TMC1: variants seen among roughly 807,000 people sequenced by gnomAD.
TMC1 encodes transmembrane channel like 1.
In TMC1, 84 loss-of-function variants were observed where a neutral mutation model predicts 105.8. That is an observed-to-expected ratio of 0.79 (90% CI 0.67 to 0.95). The LOEUF (loss-of-function observed/expected upper bound fraction) is 0.95. Ranked by LOEUF, TMC1 falls within the 40% of genes least tolerant of loss-of-function variation. The pLI, the probability that TMC1 is intolerant of heterozygous loss-of-function variation, is 0.00. For missense variants in TMC1, 817 were observed against 914.1 expected, an observed-to-expected ratio of 0.89 and a Z score of 1.37; for synonymous variants, 315 against 311.5, an observed-to-expected ratio of 1.01 and a Z score of -0.12.
intron 5 of TMC1, among the ~76,000 whole-genome samples, chr9:72,667,711 G>C (rs946865127): frequency 6.6e-6 from 1 of 152,312 alleles, no homozygotes; most frequent in African/African-American, 2.4e-5. Flanking sequence ...CAGTAAAACA[G>C]TCAGACAACA....
At chr9:72,700,016 G>C (rs1826615661) in intron 7 of TMC1, among the ~76,000 whole-genome samples, 1 of 149,498 alleles carries the variant, frequency 6.7e-6, no homozygotes. Flanking sequence ...CACTTTGGGA[G>C]GCCGAGGTGG....
rs2118353167 is a variant in TMC1 at position 72,837,055 on chromosome 9, A to T, written c.*1082A>T. On this transcript the variant is annotated 3_prime_UTR_variant, in exon 24 of 24. Transcript: ENST00000297784. Reference sequence around the variant, plus strand: ...ACACTGGCATGGTTCTGGAGTTTGCATCTCTCCCCGCTTGATTTTTTTGGC... The same window carrying T: ...ACACTGGCATGGTTCTGGAGTTTGCTTCTCTCCCCGCTTGATTTTTTTGGC... The T allele has an allele frequency of 6.6e-6, 1 of 152,400 alleles. No homozygotes were observed. The highest frequency in any genetic ancestry group is 1.5e-5 in the Non-Finnish European group (1 of 68,178). 9.4% of individuals were successfully genotyped at this position (152,400 alleles called of 1,614,324 possible). A position where few individuals can be genotyped will look rare whatever the true frequency, so the allele number is the denominator to read the frequency against.
At chr9:72,547,060 G>A (rs948184908) in intron 1 of TMC1, among the ~76,000 whole-genome samples, 10 of 152,170 alleles carry the variant, frequency 6.6e-5, no homozygotes, top group Non-Finnish European at 1.2e-4. Flanking sequence ...GCCAAGGCAA[G>A]TGGATCACCT....
intron 1 of TMC1, among the ~76,000 whole-genome samples, chr9:72,564,803 T>G (rs186787570): frequency 2.6e-4 from 40 of 152,310 alleles, no homozygotes; most frequent in Admixed American, 2.2e-3. Flanking sequence ...ATCAGGAAGT[T>G]GGCCTTTGTT....
chr9:72,751,762 T>A, intron 10 of TMC1, 88 bp from the exon 11 acceptor site: 1 of 827,364 alleles, frequency 1.2e-6, no homozygotes, highest in South Asian at 1.4e-5. Flanking sequence ...AATTAATGGA[T>A]TCATTTTGAA....
At chr9:72,794,441 G>T (rs567663998) in intron 17 of TMC1, among the ~76,000 whole-genome samples, 1 of 152,264 alleles carries the variant, frequency 6.6e-6, no homozygotes, top group East Asian at 1.9e-4. Context: ...AACCAAGCAA[G>T]AGTCTACCAA....
intron 1 of TMC1, among the ~76,000 whole-genome samples, chr9:72,533,313 C>T (rs912529646): frequency 6.6e-5 from 10 of 152,180 alleles, no homozygotes; most frequent in Admixed American, 1.3e-4. Flanking sequence ...AGAAGAAACT[C>T]TGGGCAGCCA....
At chr9:72,747,985 A>G (rs1400195603) in intron 10 of TMC1, among the ~76,000 whole-genome samples, 3 of 152,328 alleles carry the variant, frequency 2.0e-5, no homozygotes, top group Middle Eastern at 6.8e-3. Flanking sequence ...ATGGGCATCA[A>G]ATTTGTGAAT....
chr9:72,523,575 A>T (rs1386470330), intron 1 of TMC1, among the ~76,000 whole-genome samples: 1 of 152,186 alleles, frequency 6.6e-6, no homozygotes, highest in Non-Finnish European at 1.5e-5. Context: ...GGGGAAGTAG[A>T]TCATCATAAA....
At chr9:72,620,084 C>T (rs1564449287) in intron 3 of TMC1, among the ~76,000 whole-genome samples, 1 of 152,068 alleles carries the variant, frequency 6.6e-6, no homozygotes, top group Non-Finnish European at 1.5e-5. Context: ...CCACCCACCT[C>T]ACCCTCCCAA....
At chr9:72,724,219 T>C (rs773464555) in intron 8 of TMC1, among the ~76,000 whole-genome samples, 19 of 152,350 alleles carry the variant, frequency 1.2e-4, no homozygotes, top group South Asian at 6.2e-4. Flanking sequence ...AGGAAATTTA[T>C]TGGGCTTATG....
chr9:72,528,291 T>G (rs956106302), intron 1 of TMC1, among the ~76,000 whole-genome samples: 4 of 152,134 alleles, frequency 2.6e-5, no homozygotes, highest in Non-Finnish European at 5.9e-5. Flanking sequence ...CCTCCAGAAC[T>G]GTAAACAAAT....
chr9:72,658,115 AT>A (rs893899731), intron 5 of TMC1, among the ~76,000 whole-genome samples: 2 of 152,164 alleles, frequency 1.3e-5, no homozygotes, highest in African/African-American at 2.4e-5. Flanking sequence ...TATTCAATAT[AT>A]GTTGATTACT....
chr9:72,603,919 T>A (rs1587983548), intron 2 of TMC1, among the ~76,000 whole-genome samples: 1 of 136,432 alleles, frequency 7.3e-6, no homozygotes, highest in East Asian at 2.4e-4. Flanking sequence ...CAGGCTGGAG[T>A]GCAATGGTAC....
chr9:72,656,115 G>T, intron 5 of TMC1: 1 of 666,848 alleles, frequency 1.5e-6, no homozygotes. Context: ...TTACATTGCA[G>T]CTTGTTAGAG....
At chr9:72,775,304 T>C (rs528604815) in intron 13 of TMC1, among the ~76,000 whole-genome samples, 55 of 152,110 alleles carry the variant, frequency 3.6e-4, no homozygotes, top group African/African-American at 1.3e-3. Context: ...TTCAACCACA[T>C]CATATGCTTA....
intron 2 of TMC1, among the ~76,000 whole-genome samples, chr9:72,599,317 C>T (rs1440210493): frequency 6.6e-6 from 1 of 152,178 alleles, no homozygotes; most frequent in Non-Finnish European, 1.5e-5. Flanking sequence ...AGGCATGAAC[C>T]ACCACACCTG....
At chr9:72,709,936 G>T (rs568264250) in intron 8 of TMC1, among the ~76,000 whole-genome samples, 24 of 152,130 alleles carry the variant, frequency 1.6e-4, no homozygotes, top group African/African-American at 5.3e-4. Flanking sequence ...GTTCCTTGAG[G>T]TGTTACCTTA....
chr9:72,561,867 G>A (rs558766165), intron 1 of TMC1, among the ~76,000 whole-genome samples: 1 of 152,276 alleles, frequency 6.6e-6, no homozygotes, highest in Non-Finnish European at 1.5e-5. Flanking sequence ...CCGGAGCGGG[G>A]TGCAGTGGCT....
Sources: gnomAD v4.1 joint callset for allele counts (sites outside exome capture counted in the v4.1 genomes callset) on GRCh38, gnomAD v4.1.1 for gene constraint, MANE v1.5 for transcripts, NCBI Gene and HGNC (gene_info 2026-07-23, HGNC 2026-07-21) for gene names.